Variants in PELI2 observed in about 807,000 individuals in gnomAD.
PELI2 encodes pellino E3 ubiquitin protein ligase family member 2.
Under a neutral mutation model 42.3 loss-of-function variants are expected in PELI2, and 23 were observed. That is an observed-to-expected ratio of 0.54 (90% CI 0.39 to 0.77). The LOEUF is 0.77. PELI2 is among the 30% of genes least tolerant of loss of function. The pLI is 0.00. For synonymous variants in PELI2, 245 were observed against 212.2 expected, an observed-to-expected ratio of 1.15 and a Z score of -1.34; for missense variants, 463 against 553.2, an observed-to-expected ratio of 0.84 and a Z score of 1.64.
At chr14:56,267,043 A>C in intron 2 of PELI2, among the ~76,000 whole-genome samples, 1 of 152,084 alleles carries the variant, frequency 6.6e-6, no homozygotes, top group East Asian at 1.9e-4. Context: ...AAGGATATAT[A>C]AGAAACTAGT....
At chr14:56,166,319 T>C (rs1343283586) in intron 1 of PELI2, among the ~76,000 whole-genome samples, 1 of 152,256 alleles carries the variant, frequency 6.6e-6, no homozygotes, top group East Asian at 1.9e-4. Flanking sequence ...GTTTATGTCT[T>C]ATTGTACTGA....
At chr14:56,271,407 A>G (rs542662600) in intron 2 of PELI2, among the ~76,000 whole-genome samples, 57 of 152,228 alleles carry the variant, frequency 3.7e-4, no homozygotes, top group Non-Finnish European at 5.1e-4. Context: ...ACACCTTGAC[A>G]TAGAAAGTTT....
At chr14:56,238,415 A>G (rs4243605) in intron 2 of PELI2, among the ~76,000 whole-genome samples, 61,295 of 152,032 alleles carry the variant, frequency 0.4, 13,076 homozygotes, top group South Asian at 0.53. Flanking sequence ...TACATCCAAA[A>G]AATCTATTAG....
At chr14:56,281,265 C>G (rs1199380468) in intron 3 of PELI2, among the ~76,000 whole-genome samples, 2 of 152,018 alleles carry the variant, frequency 1.3e-5, no homozygotes, top group African/African-American at 4.8e-5. Context: ...AAAAATAAAC[C>G]TATACTTCCA....
intron 1 of PELI2, among the ~76,000 whole-genome samples, chr14:56,176,578 C>T (rs564243374): frequency 5.3e-5 from 8 of 152,326 alleles, no homozygotes; most frequent in African/African-American, 9.6e-5. Context: ...GGAGAGCCTG[C>T]GTTCCATGGG....
At chr14:56,194,083 T>G (rs1886046284) in intron 2 of PELI2, among the ~76,000 whole-genome samples, 1 of 152,198 alleles carries the variant, frequency 6.6e-6, no homozygotes, top group African/African-American at 2.4e-5. Flanking sequence ...AGTAATTGTT[T>G]CTGAACTTTA....
Position 56,300,564 on chromosome 14 carries a change from A to T in PELI2, c.*3398A>T, listed in dbSNP as rs1048785649. On this transcript the variant is annotated 3_prime_UTR_variant, in exon 6 of 6. Coordinates refer to ENST00000267460, the MANE Select transcript of PELI2 (RefSeq NM_021255.3). ...GTGTAATATAGGTTGTAGAATTGTT[A>T]CCTGCAGTTCTATGGTTTTGTTTCA... 2.6e-5 allele frequency: 4 copies of T among 151,856 alleles called. No homozygotes were observed. The highest frequency in any genetic ancestry group is 5.9e-5 in the Non-Finnish European group (4 of 68,000). 9.4% of individuals were successfully genotyped at this position (151,856 alleles called of 1,614,324 possible).
chr14:56,118,717 C>CG lies in PELI2; in HGVS notation c.61dup (p.Glu21GlyfsTer16). The stretch of plus-strand genomic sequence containing the variant: ...CCCCCAATAAGGAGCCAGTGAAATA[C>CG]GGGGAGCTGGTGGTGCTCGGGTGAG... On this transcript the variant is annotated frameshift_variant, in exon 1 of 6. Transcript: ENST00000267460. LOFTEE classifies it high-confidence loss of function. 1 of 1,528,764 alleles carries CG rather than the reference C, an allele frequency of 6.5e-7. No homozygotes were observed. Among genetic ancestry groups the CG allele is most frequent in the Non-Finnish European group, 8.8e-7 (1 of 1,137,176 alleles). The allele number at this position is 1,528,764 out of a possible 1,614,324, so 94.7% of individuals were successfully genotyped here.
chr14:56,134,128 A>G (rs896183267), intron 1 of PELI2, among the ~76,000 whole-genome samples: 1 of 152,192 alleles, frequency 6.6e-6, no homozygotes, highest in Non-Finnish European at 1.5e-5. Context: ...CTCATTGACA[A>G]TTGACTGTCT....
At chr14:56,132,151 A>G (rs1331660134) in intron 1 of PELI2, among the ~76,000 whole-genome samples, 1 of 152,168 alleles carries the variant, frequency 6.6e-6, no homozygotes, top group Non-Finnish European at 1.5e-5. Context: ...ATGCCATCCC[A>G]TTGAACAAAT....
intron 1 of PELI2, among the ~76,000 whole-genome samples, chr14:56,125,880 A>T (rs905382982): frequency 6.6e-6 from 1 of 151,934 alleles, no homozygotes; most frequent in Non-Finnish European, 1.5e-5. Flanking sequence ...CCTCTTGGAG[A>T]AATGGATTTC....
intron 2 of PELI2, among the ~76,000 whole-genome samples, chr14:56,213,908 G>A (rs1387830328): frequency 6.6e-6 from 1 of 152,130 alleles, no homozygotes; most frequent in Non-Finnish European, 1.5e-5. Context: ...CTGGAGTGCA[G>A]TGGCGTGATC....
chr14:56,213,787 C>T (rs1886795938), intron 2 of PELI2, among the ~76,000 whole-genome samples: 2 of 152,160 alleles, frequency 1.3e-5, no homozygotes, highest in South Asian at 2.1e-4. Context: ...TGGATTTCTC[C>T]TGAAGGATAT....
In PELI2 at chr14:56,197,796, A is replaced by G. The variant is rs115228576; in HGVS notation, c.207+19332A>G. On this transcript the variant is annotated intron_variant, in intron 2 of 5. Transcript: ENST00000267460. The surrounding 1 kb of genome is among the most constrained non-coding windows in gnomAD (Gnocchi z 4.9). ...GATTAACCCAATCCAAGCAAGAGGG[A>G]ATTATCAGCAGATGGCCTTCAGACT... 3.0e-3 allele frequency among the ~76,000 whole-genome samples: 453 copies of G among 152,200 alleles called. 1 individual carries two copies. The highest frequency in any genetic ancestry group is 0.011 in the African/African-American group (441 of 41,530).
At chr14:56,249,079 CATGGGAT>C (rs1481602572) in intron 2 of PELI2, among the ~76,000 whole-genome samples, 1 of 152,078 alleles carries the variant, frequency 6.6e-6, no homozygotes, top group Admixed American at 6.6e-5. Flanking sequence ...GTGAATTGGC[CATGGGAT>C]ATAGATTATG....
chr14:56,177,922 G>GT (rs1233768126), intron 1 of PELI2, among the ~76,000 whole-genome samples: 2 of 152,082 alleles, frequency 1.3e-5, no homozygotes, highest in Non-Finnish European at 2.9e-5. Flanking sequence ...GAGAGATGAG[G>GT]TTTAATTAGT....
At chr14:56,228,006 G>A (rs1464733378) in intron 2 of PELI2, among the ~76,000 whole-genome samples, 1 of 152,156 alleles carries the variant, frequency 6.6e-6, no homozygotes, top group Non-Finnish European at 1.5e-5. Context: ...AAAGCCAAGG[G>A]TTACCCCTTC....
intron 1 of PELI2, among the ~76,000 whole-genome samples, chr14:56,134,446 T>C (rs1883611782): frequency 6.6e-6 from 1 of 152,204 alleles, no homozygotes; most frequent in Admixed American, 6.5e-5. Flanking sequence ...CCATCTGGCT[T>C]TTGTATTTAT....
chr14:56,137,878 G>A (rs1883741360), intron 1 of PELI2, among the ~76,000 whole-genome samples: 1 of 152,228 alleles, frequency 6.6e-6, no homozygotes, highest in Non-Finnish European at 1.5e-5. Flanking sequence ...ACATATTTCA[G>A]TTTGAGGTTG....
Sources: gnomAD v4.1 joint callset for allele counts (sites outside exome capture counted in the v4.1 genomes callset) on GRCh38, gnomAD v4.1.1 for gene constraint, Gnocchi (gnomAD v3.1) non-coding constraint, MANE v1.5 for transcripts, NCBI Gene and HGNC (gene_info 2026-07-23, HGNC 2026-07-21) for gene names.